ROCK1: variants seen among roughly 807,000 people sequenced by gnomAD.
ROCK1 encodes rho-associated protein kinase 1.
A neutral mutation model predicts 196.8 loss-of-function variants in ROCK1; 36 were observed. That is an observed-to-expected ratio of 0.18 (90% CI 0.14 to 0.24). ROCK1 has a LOEUF of 0.24. Among genes scored for constraint, ROCK1 ranks in the 10% least tolerant of loss-of-function variants. The pLI, the probability that ROCK1 is intolerant of heterozygous loss-of-function variation, is 1.00. For synonymous variants in ROCK1, 443 were observed against 515.9 expected (o/e 0.86, Z 1.91); for missense variants, 920 against 1,562.0 (o/e 0.59, Z 6.93).
chr18:20,977,652 A>G (rs1002631531), intron 22 of ROCK1, among the ~76,000 whole-genome samples: 2 of 152,202 alleles, frequency 1.3e-5, no homozygotes, highest in Non-Finnish European at 2.9e-5. Context: ...GGTGATCCAT[A>G]TATTTGTCTT....
intron 13 of ROCK1, among the ~76,000 whole-genome samples, chr18:21,013,056 T>C (rs1205460380): frequency 6.6e-6 from 1 of 152,206 alleles, no homozygotes; most frequent in East Asian, 1.9e-4. Context: ...TTATGGTGAT[T>C]CCTTTAAATA....
chr18:21,110,637 T>C (rs903725757), intron 1 of ROCK1, among the ~76,000 whole-genome samples, 181 bp downstream of exon 1: 2 of 152,204 alleles, frequency 1.3e-5, no homozygotes, highest in African/African-American at 4.8e-5. Flanking sequence ...GCCAGTCAAA[T>C]GGCAAATAGG....
At chr18:21,017,553 G>C (rs1039488734) in intron 12 of ROCK1, among the ~76,000 whole-genome samples, 1 of 152,234 alleles carries the variant, frequency 6.6e-6, no homozygotes, top group Middle Eastern at 3.4e-3. Flanking sequence ...CTTGTGGAGA[G>C]GGGCCATGTC....
intron 9 of ROCK1, among the ~76,000 whole-genome samples, chr18:21,033,504 T>C (rs1377693631): frequency 2.6e-5 from 4 of 151,898 alleles, no homozygotes; most frequent in Non-Finnish European, 4.4e-5. Context: ...GAATGATAAA[T>C]AAAAGGCATA....
At chr18:20,994,166 T>C (rs187749467) in intron 16 of ROCK1, among the ~76,000 whole-genome samples, 4 of 152,342 alleles carry the variant, frequency 2.6e-5, no homozygotes, top group Admixed American at 2.6e-4. Flanking sequence ...TATTTTCATG[T>C]TGCAGTAAGT....
intron 12 of ROCK1, among the ~76,000 whole-genome samples, chr18:21,016,579 G>GTGGA (rs2035864567): frequency 6.6e-6 from 1 of 152,042 alleles, no homozygotes; most frequent in South Asian, 2.1e-4. Context: ...ACATTTTCAC[G>GTGGA]TGGATGTCTC....
chr18:21,034,923 C>T (rs1598537309), intron 9 of ROCK1, among the ~76,000 whole-genome samples: 1 of 152,034 alleles, frequency 6.6e-6, no homozygotes, highest in African/African-American at 2.4e-5. Context: ...TATAACTCAA[C>T]AACAACAAAA....
At chr18:20,979,494 C>T (rs777100541) in intron 22 of ROCK1, among the ~76,000 whole-genome samples, 54 of 151,770 alleles carry the variant, frequency 3.6e-4, no homozygotes, top group Middle Eastern at 3.2e-3. Context: ...TGGTGGCGCA[C>T]GCCTGTAATC....
At chr18:20,981,394 CA>C (rs902192698) in intron 21 of ROCK1, among the ~76,000 whole-genome samples, 109 of 144,730 alleles carry the variant, frequency 7.5e-4, no homozygotes, top group Non-Finnish European at 1.3e-3. Flanking sequence ...AACTCCGTCT[CA>C]AAAAAAAAAG....
At chr18:21,028,493 A>C (rs2035980307) in intron 10 of ROCK1, among the ~76,000 whole-genome samples, 2 of 152,146 alleles carry the variant, frequency 1.3e-5, no homozygotes, top group Non-Finnish European at 1.5e-5. Context: ...AAGTCTACAG[A>C]TCAAAATATC....
chr18:21,001,602 T>G (rs1329582560), intron 16 of ROCK1, among the ~76,000 whole-genome samples: 1 of 151,610 alleles, frequency 6.6e-6, no homozygotes, highest in Admixed American at 6.6e-5. Context: ...CTGTCTCTAC[T>G]AAAAATACAA....
At chr18:21,080,566 A>G (rs1327485101) in intron 1 of ROCK1, among the ~76,000 whole-genome samples, 2 of 152,194 alleles carry the variant, frequency 1.3e-5, no homozygotes, top group Admixed American at 1.3e-4. Context: ...TAAAAAACAA[A>G]CAAAAACACC....
chr18:21,068,898 A>C (rs186541092), intron 2 of ROCK1, among the ~76,000 whole-genome samples: 38 of 152,296 alleles, frequency 2.5e-4, no homozygotes, highest in Admixed American at 2.3e-3. Context: ...ATGGAAAATC[A>C]TGCTGTCTAA....
chr18:21,082,175 C>T (rs140925331), intron 1 of ROCK1, among the ~76,000 whole-genome samples: 13 of 151,986 alleles, frequency 8.6e-5, no homozygotes, highest in African/African-American at 2.9e-4. Context: ...CTGAGCTCAA[C>T]GTTATTTGTT....
chr18:21,054,293 G>C (rs1309340888), intron 2 of ROCK1, among the ~76,000 whole-genome samples: 5 of 151,890 alleles, frequency 3.3e-5, no homozygotes, highest in South Asian at 2.1e-4. Context: ...ATATGCAATT[G>C]TATATTCTTT....
chr18:20,978,983 T>A (rs1371611520), intron 22 of ROCK1, among the ~76,000 whole-genome samples: 3 of 152,244 alleles, frequency 2.0e-5, no homozygotes, highest in Admixed American at 1.3e-4. Flanking sequence ...GGAAAACTAG[T>A]TCTAGTGTCT....
At chr18:20,998,597 C>A (rs867274771) in intron 16 of ROCK1, among the ~76,000 whole-genome samples, 173 of 97,336 alleles carry the variant, frequency 1.8e-3, no homozygotes, top group African/African-American at 7.1e-3. Context: ...TTTTACCAAA[C>A]TTTTTTTTTT....
At chr18:21,011,090 T>C (rs2035813037) in intron 13 of ROCK1, among the ~76,000 whole-genome samples, 1 of 152,238 alleles carries the variant, frequency 6.6e-6, no homozygotes, top group East Asian at 1.9e-4. Flanking sequence ...CTGACAGATA[T>C]ATAAATGGGG....
chr18:21,037,528 G>A (rs1479866037), intron 9 of ROCK1, among the ~76,000 whole-genome samples: 1 of 152,008 alleles, frequency 6.6e-6, no homozygotes, highest in Non-Finnish European at 1.5e-5. Context: ...GTAAAGAAGG[G>A]GTAGGAAGAG....
Sources: allele counts gnomAD v4.1 joint callset (sites outside exome capture counted in the v4.1 genomes callset), GRCh38; gene constraint gnomAD v4.1.1; transcripts MANE v1.5; gene names NCBI Gene and HGNC (gene_info 2026-07-23, HGNC 2026-07-21).